The following NBAS variants were observed in gnomAD, a reference collection of about 807,000 sequenced individuals.
NBAS encodes NAG/BC035112 fusion.
Under a neutral mutation model 302.5 loss-of-function variants are expected in NBAS, and 219 were observed. That is an observed-to-expected ratio of 0.72 (90% CI 0.65 to 0.81). The LOEUF is 0.81. Among genes scored for constraint, NBAS ranks in the 30% least tolerant of loss-of-function variants. The probability of loss-of-function intolerance (pLI) is 0.00; values close to 1 mark genes in which losing one functional copy is unlikely to be tolerated. For synonymous variants in NBAS, 1,118 were observed against 1,021.6 expected (o/e 1.09, Z -1.80); for missense variants, 2,932 against 2,841.6 (o/e 1.03, Z -0.72).
the NBAS span, among the ~76,000 whole-genome samples, chr2:14,971,321 C>A: frequency 6.6e-6 from 1 of 152,026 alleles, no homozygotes; most frequent in Admixed American, 6.6e-5. Flanking sequence ...TCGAGACCAG[C>A]CTGACCAACA....
chr2:15,164,341 G>A (rs763607615), downstream of NBAS, among the ~76,000 whole-genome samples: 4 of 152,348 alleles, frequency 2.6e-5, no homozygotes, highest in South Asian at 2.1e-4. Flanking sequence ...AAGTTAACAC[G>A]GCATTGGGCC....
chr2:15,266,070 A>G (rs1461472927), intron 44 of NBAS, among the ~76,000 whole-genome samples: 1 of 152,170 alleles, frequency 6.6e-6, no homozygotes, highest in East Asian at 1.9e-4. Flanking sequence ...CTGCTGTGAT[A>G]GTGAGTGAGT....
chr2:15,384,379 A>G (rs1036426972), intron 28 of NBAS, among the ~76,000 whole-genome samples: 1 of 152,206 alleles, frequency 6.6e-6, no homozygotes, highest in African/African-American at 2.4e-5. Flanking sequence ...ATTTTGACAA[A>G]ACACAGGCAT....
the NBAS span, among the ~76,000 whole-genome samples, chr2:14,908,068 A>G: frequency 1.4e-4 from 21 of 152,250 alleles, no homozygotes; most frequent in Non-Finnish European, 2.6e-4. Flanking sequence ...GAGTCCCATC[A>G]TTAAAGTACA....
chr2:14,964,289 C>G, the NBAS span, among the ~76,000 whole-genome samples: 1 of 152,054 alleles, frequency 6.6e-6, no homozygotes, highest in Non-Finnish European at 1.5e-5. Flanking sequence ...TTCTATGTAT[C>G]TAAAAAGTTA....
At chr2:15,055,375 A>C in the NBAS span, among the ~76,000 whole-genome samples, 1 of 152,284 alleles carries the variant, frequency 6.6e-6, no homozygotes, top group East Asian at 1.9e-4. Flanking sequence ...CCTGACTGCA[A>C]ACAAAAGTAA....
chr2:15,234,471 C>G, intron 46 of NBAS, 74 bp downstream of exon 46: 1 of 1,468,100 alleles, frequency 6.8e-7, no homozygotes. Flanking sequence ...CTTTTACATA[C>G]AGGATGACAG....
At chr2:14,846,518 C>CAA in the NBAS span, among the ~76,000 whole-genome samples, 2 of 149,156 alleles carry the variant, frequency 1.3e-5, no homozygotes, top group Non-Finnish European at 3.0e-5. Context: ...AGTAAGTACA[C>CAA]AAAAAACTAT....
intron 17 of NBAS, 69 bp downstream of exon 17, chr2:15,468,313 C>T (rs1436097547): frequency 2.2e-5 from 35 of 1,563,486 alleles, no homozygotes; most frequent in Admixed American, 1.5e-4. Flanking sequence ...TTTACCCAGT[C>T]CAATGTCTCA....
chr2:15,396,991 G>T (rs545483030), intron 26 of NBAS, among the ~76,000 whole-genome samples: 1 of 152,180 alleles, frequency 6.6e-6, no homozygotes. Context: ...CCACTTCAAC[G>T]TTAAGGAATC....
chr2:15,281,451 T>C (rs1669821258), intron 42 of NBAS, among the ~76,000 whole-genome samples: 2 of 152,204 alleles, frequency 1.3e-5, no homozygotes, highest in South Asian at 2.1e-4. Flanking sequence ...AAAATAATTG[T>C]TGAAAAATCA....
At chr2:15,443,256 A>G (rs1678534372) in intron 21 of NBAS, among the ~76,000 whole-genome samples, 1 of 151,824 alleles carries the variant, frequency 6.6e-6, no homozygotes, top group Non-Finnish European at 1.5e-5. Flanking sequence ...ATCCTCAATA[A>G]AATACTGGCA....
chr2:15,011,898 A>C, the NBAS span, among the ~76,000 whole-genome samples: 1 of 152,160 alleles, frequency 6.6e-6, no homozygotes, highest in Non-Finnish European at 1.5e-5. Flanking sequence ...CCAACACCCC[A>C]AGATCCATCT....
At chr2:15,402,093 T>G (rs931367497) in intron 26 of NBAS, 75 bp downstream of exon 26, 1 of 1,548,898 alleles carries the variant, frequency 6.5e-7, no homozygotes, top group Non-Finnish European at 8.9e-7. Context: ...AGGTAAGCAT[T>G]TGGGGAAGCA....
At chr2:15,403,914 T>G (rs1676281168) in intron 25 of NBAS, among the ~76,000 whole-genome samples, 2 of 149,042 alleles carry the variant, frequency 1.3e-5, no homozygotes, top group African/African-American at 4.9e-5. Context: ...TACACTTTTT[T>G]TTTTTTTCCA....
intron 48 of NBAS, among the ~76,000 whole-genome samples, chr2:15,217,021 T>C (rs1666682610): frequency 6.6e-6 from 1 of 152,212 alleles, no homozygotes; most frequent in Non-Finnish European, 1.5e-5. Flanking sequence ...AATTTAGGGT[T>C]TTCCCCAGGG....
At chr2:15,065,036 T>C in the NBAS span, among the ~76,000 whole-genome samples, 3 of 152,092 alleles carry the variant, frequency 2.0e-5, no homozygotes, top group Non-Finnish European at 4.4e-5. Flanking sequence ...TTTGACAAAA[T>C]TCAACACTCT....
At position 15,424,378 on chromosome 2, in the gene NBAS, C is replaced by A; in HGVS notation, c.2514G>T (p.Thr838=). The A allele has an allele frequency of 6.2e-7, 1 of 1,614,080 alleles. No homozygotes were observed. Among genetic ancestry groups the A allele is most frequent in the Non-Finnish European group, 8.5e-7 (1 of 1,179,984 alleles). The change falls in exon 23 of 52, where the codon ACG becomes ACT. Residue 838 remains threonine (T), a synonymous_variant. Transcript: ENST00000281513. ...GATACCAGTCCATAACCTTCTCCAC[C>A]GTAAGCTGGGTCATCCTGAACCTTA... is the stretch of plus-strand genomic sequence containing the variant. ...ELLRFRMTQL[T]VEKVMDWYQT...
chr2:15,140,345 C>T, the NBAS span, among the ~76,000 whole-genome samples: 1 of 152,240 alleles, frequency 6.6e-6, no homozygotes, highest in Non-Finnish European at 1.5e-5. Flanking sequence ...TCCTGACCCA[C>T]AGGGTCTGTG....
Sources: gnomAD v4.1 joint callset for allele counts (sites outside exome capture counted in the v4.1 genomes callset) on GRCh38, gnomAD v4.1.1 for gene constraint, MANE v1.5 for transcripts, NCBI Gene and HGNC (gene_info 2026-07-23, HGNC 2026-07-21) for gene names.